Variants in PHLDB2 observed in about 807,000 individuals in gnomAD.
PHLDB2 encodes pleckstrin homology like domain family B member 2, also known as pleckstrin homology-like domain family B member 2.
PHLDB2 carries 71 observed loss-of-function variants against 123.6 expected under a neutral mutation model. That is an observed-to-expected ratio of 0.57 (90% CI 0.47 to 0.70). The LOEUF (loss-of-function observed/expected upper bound fraction) is 0.70. PHLDB2 is among the 30% of genes least tolerant of loss of function. The pLI is 0.00. For synonymous variants in PHLDB2, 547 were observed against 541.6 expected (o/e 1.01, Z -0.14); for missense variants, 1,446 against 1,519.5 (o/e 0.95, Z 0.80).
At chr3:111,947,372 A>G (rs544855713) in intron 9 of PHLDB2, among the ~76,000 whole-genome samples, 9 of 152,204 alleles carry the variant, frequency 5.9e-5, no homozygotes, top group Non-Finnish European at 1.2e-4. Flanking sequence ...ATGAGAACAC[A>G]TGGCAATTCT....
chr3:111,768,581 G>A (rs543448516), intron 1 of PHLDB2, among the ~76,000 whole-genome samples: 5 of 152,206 alleles, frequency 3.3e-5, no homozygotes, highest in South Asian at 4.2e-4. Context: ...GGGGAGCTCC[G>A]GAGAGCTGTA....
At chr3:111,973,698 C>T (rs779910937) in intron 16 of PHLDB2, 34 bp from the exon 17 acceptor site, 14 of 1,174,012 alleles carry the variant, frequency 1.2e-5, no homozygotes, top group East Asian at 7.2e-5. Flanking sequence ...TCCTCAGTGG[C>T]GATAAAGTAT....
chr3:111,953,812 A>G (rs2070860651), intron 11 of PHLDB2, 118 bp from the exon 12 acceptor site: 1 of 727,500 alleles, frequency 1.4e-6, no homozygotes, highest in African/African-American at 1.8e-5. Context: ...AAATGCAAAG[A>G]CTTACCTTCT....
intron 11 of PHLDB2, among the ~76,000 whole-genome samples, chr3:111,953,315 GC>G (rs2070829077): frequency 6.6e-6 from 1 of 152,146 alleles, no homozygotes; most frequent in South Asian, 2.1e-4. Context: ...GATCATTGTG[GC>G]AAGAGAAGAG....
intron 2 of PHLDB2, among the ~76,000 whole-genome samples, chr3:111,886,446 G>C (rs1250183210): frequency 1.6e-5 from 2 of 121,578 alleles, no homozygotes; most frequent in Non-Finnish European, 3.7e-5. Flanking sequence ...GATTTTTTTT[G>C]CCTTTTTTTT....
In PHLDB2 at chr3:111,956,259, A is replaced by C. The variant is rs996299469; in HGVS notation, c.2872+2230A>C. 2.0e-5 allele frequency among the ~76,000 whole-genome samples: 3 copies of C among 152,344 alleles called. No individual in the cohort carries two copies. In the South Asian group the frequency reaches 6.2e-4, roughly 32 times the overall value. On this transcript the variant is annotated intron_variant, in intron 12 of 17. Coordinates refer to ENST00000431670, the MANE Select transcript of PHLDB2 (RefSeq NM_001134438.2). ...AAGAAAAACTAGAACTTTATAGTAA[A>C]TAAATAGATTAGCAAAACTCAAGAG...
At chr3:111,742,150 G>C (rs942105274) in intron 1 of PHLDB2, among the ~76,000 whole-genome samples, 8 of 152,064 alleles carry the variant, frequency 5.3e-5, no homozygotes, top group Admixed American at 5.2e-4. Flanking sequence ...TTGGTTGAGG[G>C]TCACCATATT....
intron 1 of PHLDB2, chr3:111,778,572 C>T (rs1470503662): frequency 2.4e-5 from 2 of 84,414 alleles, no homozygotes; most frequent in Non-Finnish European, 4.4e-5. Context: ...GTTCAACCCA[C>T]CCTCAGAGCC....
intron 1 of PHLDB2, among the ~76,000 whole-genome samples, chr3:111,742,687 C>A (rs1447692914): frequency 1.3e-5 from 2 of 152,306 alleles, no homozygotes; most frequent in Middle Eastern, 3.4e-3. Flanking sequence ...ATATGTGCCA[C>A]ATTTTCTTAA....
intron 1 of PHLDB2, among the ~76,000 whole-genome samples, chr3:111,863,390 A>G (rs1053075788): frequency 6.6e-6 from 1 of 152,218 alleles, no homozygotes. Context: ...CCTCCTGAGT[A>G]TGGAAGAAAA....
chr3:111,753,063 G>T (rs1371925143), intron 1 of PHLDB2, among the ~76,000 whole-genome samples: 1 of 152,114 alleles, frequency 6.6e-6, no homozygotes, highest in Admixed American at 6.6e-5. Context: ...GGACATTTGG[G>T]TTGGTTCCAA....
At chr3:111,793,352 T>C (rs2061012263) in intron 1 of PHLDB2, among the ~76,000 whole-genome samples, 1 of 152,052 alleles carries the variant, frequency 6.6e-6, no homozygotes, top group Non-Finnish European at 1.5e-5. Context: ...TGGCTACTAC[T>C]GATGTTCACT....
chr3:111,962,506 G>A (rs1302902238), intron 13 of PHLDB2, among the ~76,000 whole-genome samples, 194 bp downstream of exon 13: 1 of 152,222 alleles, frequency 6.6e-6, no homozygotes, highest in South Asian at 2.1e-4. Context: ...AACTTAGCTA[G>A]TCAGGCATCA....
intron 5 of PHLDB2, among the ~76,000 whole-genome samples, chr3:111,922,282 T>A (rs577872470): frequency 2.0e-5 from 3 of 152,368 alleles, no homozygotes; most frequent in Non-Finnish European, 4.4e-5. Flanking sequence ...TTCTCATTAA[T>A]ATCAGATTCT....
intron 1 of PHLDB2, among the ~76,000 whole-genome samples, chr3:111,820,137 G>A (rs1028984162): frequency 6.6e-6 from 1 of 152,130 alleles, no homozygotes; most frequent in African/African-American, 2.4e-5. Flanking sequence ...ACTACCACAT[G>A]TAGAATCACA....
chr3:111,795,562 GATAA>G (rs1320646984), intron 1 of PHLDB2, among the ~76,000 whole-genome samples: 4 of 152,286 alleles, frequency 2.6e-5, no homozygotes, highest in African/African-American at 9.6e-5. Flanking sequence ...GTAGGCTTTT[GATAA>G]ATAATCTCAC....
intron 2 of PHLDB2, among the ~76,000 whole-genome samples, chr3:111,896,035 G>A (rs2066843903): frequency 6.6e-6 from 1 of 152,028 alleles, no homozygotes; most frequent in Admixed American, 6.6e-5. Flanking sequence ...TTGCTATGTT[G>A]TCCAGGCTGG....
At chr3:111,745,984 G>A (rs1452836717) in intron 1 of PHLDB2, among the ~76,000 whole-genome samples, 1 of 152,110 alleles carries the variant, frequency 6.6e-6, no homozygotes, top group Admixed American at 6.5e-5. Context: ...ATTTTTCAGA[G>A]TGCTTACCCC....
chr3:111,866,013 C>CTTTTTTTTTTTTTTTTTTTTTTT (rs1239058039), intron 1 of PHLDB2, among the ~76,000 whole-genome samples: 2 of 47,674 alleles, frequency 4.2e-5, no homozygotes, highest in Admixed American at 3.2e-4. Flanking sequence ...CCCACCCACT[C>CTTTTTTTTTTTTTTTTTTTTTTT]ATTTTTTTTT....
Sources: allele counts gnomAD v4.1 joint callset (sites outside exome capture counted in the v4.1 genomes callset), GRCh38; gene constraint gnomAD v4.1.1; transcripts MANE v1.5; gene names NCBI Gene and HGNC (gene_info 2026-07-23, HGNC 2026-07-21).